KCND3: variants seen among roughly 807,000 people sequenced by gnomAD.
KCND3 encodes the protein potassium voltage-gated channel subfamily D member 3, also known as A-type voltage-gated potassium channel KCND3.
Under a neutral mutation model 51.1 loss-of-function variants are expected in KCND3, and 9 were observed. The observed-to-expected ratio is 0.18, with a 90% CI of 0.11 to 0.31. The LOEUF is 0.31. KCND3 is among the 10% of genes least tolerant of loss of function. The pLI is 1.00. For synonymous variants in KCND3, 349 were observed against 368.0 expected (o/e 0.95, Z 0.59); for missense variants, 526 against 903.8 (o/e 0.58, Z 5.36).
chr1:111,813,689 G>C (rs1227348273), intron 2 of KCND3, among the ~76,000 whole-genome samples: 1 of 152,222 alleles, frequency 6.6e-6, no homozygotes, highest in Non-Finnish European at 1.5e-5. Flanking sequence ...GGCTCCCTAG[G>C]TAGGTCAAAG....
intron 2 of KCND3, among the ~76,000 whole-genome samples, chr1:111,830,645 A>G (rs566409071): frequency 2.6e-4 from 40 of 152,382 alleles, no homozygotes; most frequent in African/African-American, 8.9e-4. Flanking sequence ...ACAAAACCAC[A>G]GATATCAACA....
Position 111,780,743 on chromosome 1 carries a change from C to T in KCND3, c.1318G>A (p.Ala440Thr). The change falls in exon 4 of 8, where the codon GCA (alanine) becomes ACA (threonine). Residue 440 changes from alanine (A) to threonine (T), a missense_variant. Transcript: ENST00000302127. This position sits in a 1 kb window ranked among gnomAD's most constrained non-coding sequence, Gnocchi z 4.2. ...CCGTTGCGCTTGCTGTGCAGGTATG[C>T]ATTCGAACTGCCTGTTTTGGCCACA... is the stretch of plus-strand genomic sequence containing the variant. ...IRVAKTGSSNAYLHSKRNGLL... is the reference protein window; with the variant it reads ...IRVAKTGSSNTYLHSKRNGLL... 6.2e-7 allele frequency: 1 copy of T among 1,613,464 alleles called. No homozygotes were observed. Among genetic ancestry groups the T allele is most frequent in the Non-Finnish European group, 8.5e-7 (1 of 1,179,856 alleles).
chr1:111,949,068 CT>C (rs1672928734), intron 2 of KCND3, among the ~76,000 whole-genome samples: 2 of 152,312 alleles, frequency 1.3e-5, no homozygotes, highest in South Asian at 4.1e-4. Flanking sequence ...GACACGCAGC[CT>C]TTGTCCCACA....
intron 2 of KCND3, among the ~76,000 whole-genome samples, chr1:111,935,923 A>G (rs1193405272): frequency 6.6e-6 from 1 of 152,224 alleles, no homozygotes; most frequent in African/African-American, 2.4e-5. Flanking sequence ...CCCCCTATGT[A>G]ATCATCCCAA....
chr1:111,821,711 G>C (rs2061796), intron 2 of KCND3, among the ~76,000 whole-genome samples: 78,711 of 152,004 alleles, frequency 0.52, 23,084 homozygotes, highest in Non-Finnish European at 0.65. Flanking sequence ...CCTCCAGTAC[G>C]AACAGCCAGA....
chr1:111,882,981 T>C (rs1487647182), intron 2 of KCND3, among the ~76,000 whole-genome samples: 1 of 152,202 alleles, frequency 6.6e-6, no homozygotes, highest in African/African-American at 2.4e-5. Context: ...TCCAGGCACC[T>C]TCCTCGAGAG....
chr1:111,947,289 T>C (rs546483725), intron 2 of KCND3, among the ~76,000 whole-genome samples: 1 of 152,352 alleles, frequency 6.6e-6, no homozygotes, highest in South Asian at 2.1e-4. Flanking sequence ...ATGTGAATGA[T>C]TACCATGTGC....
At position 111,832,704 on chromosome 1, in the gene KCND3, G is replaced by A. The variant is rs548406122; in HGVS notation, c.1107-45598C>T. Among the ~76,000 whole-genome samples the A allele has an allele frequency of 5.9e-5, 9 of 152,096 alleles. No individual in the cohort carries two copies. The East Asian group carries it at 1.2e-3, about 20-fold the overall frequency. On this transcript the variant is annotated intron_variant, in intron 2 of 7. Transcript: ENST00000302127. ...CCCCGCTCCCCACCCCGCCCAGAAT[G>A]CAGTGGCAGAATGATAAATGTGATG...
chr1:111,973,998 C>T (rs1207880804), intron 2 of KCND3, among the ~76,000 whole-genome samples: 1 of 152,206 alleles, frequency 6.6e-6, no homozygotes, highest in Non-Finnish European at 1.5e-5. Context: ...CATTCGAGTC[C>T]TGACACCCAG....
At chr1:111,822,079 CTTTCT>C (rs1666375933) in intron 2 of KCND3, among the ~76,000 whole-genome samples, 1 of 101,662 alleles carries the variant, frequency 9.8e-6, no homozygotes, top group Non-Finnish European at 2.6e-5. Flanking sequence ...CTCAAGCAGT[CTTTCT>C]TTTTTTTTTT....
chr1:111,905,047 C>T (rs1670581151), intron 2 of KCND3, among the ~76,000 whole-genome samples: 1 of 152,198 alleles, frequency 6.6e-6, no homozygotes, highest in Non-Finnish European at 1.5e-5. Context: ...CCCCGTACCT[C>T]CCCAGAACAC....
intron 2 of KCND3, among the ~76,000 whole-genome samples, chr1:111,883,783 G>A (rs564936106): frequency 2.8e-4 from 42 of 152,266 alleles, no homozygotes; most frequent in African/African-American, 5.1e-4. Context: ...GATTCTGCAC[G>A]TCTGATATTG....
intron 2 of KCND3, among the ~76,000 whole-genome samples, chr1:111,967,578 C>G (rs952600927): frequency 7.9e-5 from 12 of 152,198 alleles, no homozygotes; most frequent in African/African-American, 2.9e-4. Flanking sequence ...TCTCTGCAGA[C>G]TTGCATTTCT....
At chr1:111,809,532 T>C (rs1205958311) in intron 2 of KCND3, among the ~76,000 whole-genome samples, 1 of 151,988 alleles carries the variant, frequency 6.6e-6, no homozygotes, top group African/African-American at 2.4e-5. Context: ...ATGGTCTCAA[T>C]CTCCTGACCT....
intron 2 of KCND3, among the ~76,000 whole-genome samples, chr1:111,887,334 A>C (rs1669614868): frequency 6.6e-6 from 1 of 152,000 alleles, no homozygotes; most frequent in African/African-American, 2.4e-5. Flanking sequence ...GCGGGTGGAG[A>C]GGGATGGGGA....
chr1:111,879,631 G>T (rs1669210426), intron 2 of KCND3, among the ~76,000 whole-genome samples: 2 of 152,210 alleles, frequency 1.3e-5, no homozygotes, highest in Admixed American at 1.3e-4. Flanking sequence ...ATTCAAGGGG[G>T]CTGTCTTTGC....
chr1:111,976,450 C>T (rs543645788), intron 2 of KCND3, among the ~76,000 whole-genome samples: 33 of 152,310 alleles, frequency 2.2e-4, no homozygotes, highest in African/African-American at 7.7e-4. Context: ...GTTCTCATAT[C>T]GCCAGAAGAT....
intron 2 of KCND3, among the ~76,000 whole-genome samples, chr1:111,923,869 TG>T (rs1671584394): frequency 6.6e-6 from 1 of 152,124 alleles, no homozygotes; most frequent in Non-Finnish European, 1.5e-5. Context: ...CTGAAGGCAG[TG>T]GGGTGGGCAG....
chr1:111,895,708 C>CGTGGGGA (rs1050453563), intron 2 of KCND3, among the ~76,000 whole-genome samples: 1 of 152,164 alleles, frequency 6.6e-6, no homozygotes, highest in African/African-American at 2.4e-5. Flanking sequence ...GCGCGCCTGC[C>CGTGGGGA]GTGGGGAGTG....
Sources: allele counts gnomAD v4.1 joint callset (sites outside exome capture counted in the v4.1 genomes callset), GRCh38; gene constraint gnomAD v4.1.1; non-coding constraint Gnocchi (gnomAD v3.1); transcripts MANE v1.5; gene names NCBI Gene and HGNC (gene_info 2026-07-23, HGNC 2026-07-21).